SELENOI: variants seen among roughly 807,000 people sequenced by gnomAD.
SELENOI encodes the protein ethanolaminephosphotransferase 1.
In SELENOI, 24 loss-of-function variants were observed where a neutral mutation model predicts 50.7. The ratio of observed to expected loss-of-function variants is 0.47; its 90% CI spans 0.34 to 0.67. The LOEUF is 0.67. Ranked by LOEUF, SELENOI falls within the 30% of genes least tolerant of loss-of-function variation. SELENOI has a pLI of 0.01. For missense variants in SELENOI, 352 were observed against 461.4 expected (o/e 0.76, Z 2.17); for synonymous variants, 155 against 170.2 (o/e 0.91, Z 0.70).
intron 4 of SELENOI, among the ~76,000 whole-genome samples, chr2:26,367,614 C>T (rs1368454752): frequency 6.6e-6 from 1 of 152,066 alleles, no homozygotes; most frequent in Non-Finnish European, 1.5e-5. Context: ...TATCATGCGG[C>T]CTTTAAAAAA....
At chr2:26,373,260 C>A in intron 4 of SELENOI, 107 bp from the exon 5 acceptor site, 4 of 1,324,300 alleles carry the variant, frequency 3.0e-6, no homozygotes, top group Non-Finnish European at 3.1e-6. Context: ...ACTTAACATT[C>A]CTGTGATAAG....
At chr2:26,354,020 GC>G (rs1184958043) in intron 1 of SELENOI, among the ~76,000 whole-genome samples, 2 of 152,158 alleles carry the variant, frequency 1.3e-5, no homozygotes, top group African/African-American at 4.8e-5. Context: ...AAGTGACCAG[GC>G]CGAGCCTTGG....
intron 8 of SELENOI, among the ~76,000 whole-genome samples, chr2:26,386,006 G>A (rs1677835106): frequency 6.6e-6 from 1 of 152,090 alleles, no homozygotes; most frequent in South Asian, 2.1e-4. Context: ...GTGTGGGGGT[G>A]TGGGAGGCTA....
intron 9 of SELENOI, among the ~76,000 whole-genome samples, chr2:26,386,808 T>C (rs1677854169): frequency 6.6e-6 from 1 of 152,244 alleles, no homozygotes; most frequent in Admixed American, 6.5e-5. Flanking sequence ...TAAGTGGGTA[T>C]GTATAAGCCA....
rs911808095 is a variant in SELENOI, at chr2:26,389,990, A to G, written c.*887A>G. The G allele has an allele frequency of 6.6e-6, 1 of 151,128 alleles. No homozygotes were observed. The highest frequency in any genetic ancestry group is 2.5e-5 in the African/African-American group (1 of 40,790). 9.4% of individuals were successfully genotyped at this position (151,128 alleles called of 1,614,324 possible). A position where few individuals can be genotyped will look rare whatever the true frequency, so the allele number is the denominator to read the frequency against. On this transcript the variant is annotated 3_prime_UTR_variant, in exon 10 of 10. Coordinates refer to ENST00000260585, the MANE Select transcript of SELENOI (RefSeq NM_033505.4). ...AATTTCATGAACCTCACTATGACCAAAATTAATTTTTTGATTCAGTTTGTC... is the reference window on the plus strand; with the variant it reads ...AATTTCATGAACCTCACTATGACCAGAATTAATTTTTTGATTCAGTTTGTC...
chr2:26,356,968 A>G (rs1237945388), intron 1 of SELENOI, among the ~76,000 whole-genome samples: 1 of 152,142 alleles, frequency 6.6e-6, no homozygotes, highest in African/African-American at 2.4e-5. Context: ...ACACACACAC[A>G]CACGTGAGTC....
intron 1 of SELENOI, among the ~76,000 whole-genome samples, chr2:26,359,826 G>T (rs150198528): frequency 6.6e-6 from 1 of 152,236 alleles, no homozygotes; most frequent in East Asian, 1.9e-4. Context: ...GTGATCTGAG[G>T]CCTGTAAAAT....
At position 26,393,255 on chromosome 2, in the gene SELENOI, A is replaced by G. The variant is rs1241603701; in HGVS notation, c.*4152A>G. The G allele has an allele frequency of 1.3e-5, 2 of 152,656 alleles. No homozygotes were observed. The highest frequency in any genetic ancestry group is 2.9e-5 in the Non-Finnish European group (2 of 68,044). 9.5% of individuals were successfully genotyped at this position (152,656 alleles called of 1,614,324 possible). On this transcript the variant is annotated 3_prime_UTR_variant, in exon 10 of 10. Coordinates refer to ENST00000260585, the MANE Select transcript of SELENOI (RefSeq NM_033505.4). ...TTCTTCCTTGCATGGAGCTGTGGGA[A>G]TTGGATTTGTTGGCTCTTCATTTCC...
At chr2:26,361,620 G>T (rs1265017979) in intron 1 of SELENOI, among the ~76,000 whole-genome samples, 1 of 152,102 alleles carries the variant, frequency 6.6e-6, no homozygotes, top group East Asian at 1.9e-4. Context: ...TTCTACCTCT[G>T]GCCATTAGAA....
intron 6 of SELENOI, 59 bp from the exon 7 acceptor site, chr2:26,383,240 G>C (rs1677745161): frequency 7.7e-7 from 1 of 1,305,928 alleles, no homozygotes; most frequent in South Asian, 1.5e-5. Context: ...GCATGATTCA[G>C]TGGTAATGTA....
chr2:26,376,826 G>A (rs1677576897), intron 6 of SELENOI, among the ~76,000 whole-genome samples: 1 of 151,916 alleles, frequency 6.6e-6, no homozygotes, highest in Admixed American at 6.6e-5. Flanking sequence ...TTTTCTTTTG[G>A]CATTTTGAAT....
Position 26,392,007 on chromosome 2 carries a change from T to C in SELENOI, c.*2904T>C, listed in dbSNP as rs572031818. The C allele has an allele frequency of 2.0e-5, 3 of 152,344 alleles. No homozygotes were observed. The highest frequency in any genetic ancestry group is 4.2e-4 in the South Asian group (2 of 4,818). 9.4% of individuals were successfully genotyped at this position (152,344 alleles called of 1,614,324 possible). ...AATATTCCTCCTTGTCATTTTAATG[T>C]CATTATTGAAATACTTTTAATTCTA... On this transcript the variant is annotated 3_prime_UTR_variant, in exon 10 of 10. Coordinates refer to ENST00000260585, the MANE Select transcript of SELENOI (RefSeq NM_033505.4).
intron 1 of SELENOI, among the ~76,000 whole-genome samples, chr2:26,356,549 A>G (rs565390904): frequency 2.6e-5 from 4 of 152,304 alleles, no homozygotes; most frequent in African/African-American, 7.2e-5. Context: ...ACTCATTTCT[A>G]ATCTTCTCAA....
chr2:26,359,057 A>C (rs1195033572), intron 1 of SELENOI, among the ~76,000 whole-genome samples: 1 of 152,148 alleles, frequency 6.6e-6, no homozygotes, highest in Admixed American at 6.5e-5. Flanking sequence ...TGTTTTAGTG[A>C]ATACAGTTTT....
intron 1 of SELENOI, among the ~76,000 whole-genome samples, chr2:26,348,590 GTTAC>G: frequency 6.6e-6 from 1 of 152,268 alleles, no homozygotes; most frequent in African/African-American, 2.4e-5. Flanking sequence ...TCGCTATTGT[GTTAC>G]TTAACGCAAT....
chr2:26,387,093 C>T (rs924256249), intron 9 of SELENOI, among the ~76,000 whole-genome samples: 2 of 151,930 alleles, frequency 1.3e-5, no homozygotes, highest in Admixed American at 6.5e-5. Context: ...ATGTTATTCT[C>T]GAGCCCTCAT....
At chr2:26,379,564 C>T (rs4665325) in intron 6 of SELENOI, among the ~76,000 whole-genome samples, 15,934 of 151,666 alleles carry the variant, frequency 0.11, 1,765 homozygotes, top group East Asian at 0.57. Context: ...AGGCATGTAG[C>T]GGGTTCAGGT....
intron 4 of SELENOI, 80 bp downstream of exon 4, chr2:26,367,300 T>TC: frequency 9.2e-7 from 1 of 1,083,834 alleles, no homozygotes; most frequent in South Asian, 1.5e-5. Flanking sequence ...TAACATTTTC[T>TC]CCTGTGCTTA....
intron 1 of SELENOI, among the ~76,000 whole-genome samples, chr2:26,347,524 G>A (rs1458979910): frequency 6.6e-6 from 1 of 152,108 alleles, no homozygotes; most frequent in Non-Finnish European, 1.5e-5. Context: ...TCTGAACCGA[G>A]GTGATGACTT....
Sources: gnomAD v4.1 joint callset for allele counts (sites outside exome capture counted in the v4.1 genomes callset) on GRCh38, gnomAD v4.1.1 for gene constraint, MANE v1.5 for transcripts, NCBI Gene and HGNC (gene_info 2026-07-23, HGNC 2026-07-21) for gene names.